The following VIPR2 variants were observed in gnomAD, a reference collection of about 807,000 sequenced individuals.
VIPR2 encodes vasoactive intestinal polypeptide receptor 2.
VIPR2 carries 48 observed loss-of-function variants against 58.0 expected under a neutral mutation model. The ratio of observed to expected loss-of-function variants is 0.83; its 90% CI spans 0.66 to 1.05. The LOEUF (loss-of-function observed/expected upper bound fraction) is 1.05. VIPR2 is among the 50% of genes least tolerant of loss of function. The pLI, the probability that VIPR2 is intolerant of heterozygous loss-of-function variation, is 0.00. For missense variants in VIPR2, 534 were observed against 558.0 expected (o/e 0.96, Z 0.43); for synonymous variants, 243 against 235.2 (o/e 1.03, Z -0.30).
intron 6 of VIPR2, among the ~76,000 whole-genome samples, chr7:159,040,019 C>T (rs1293330567): frequency 3.3e-5 from 5 of 152,290 alleles, no homozygotes; most frequent in South Asian, 2.1e-4. Flanking sequence ...GCAAAGAGGA[C>T]GCAGGAAGAG....
At chr7:159,124,359 A>G (rs1321338465) in intron 2 of VIPR2, among the ~76,000 whole-genome samples, 3 of 152,196 alleles carry the variant, frequency 2.0e-5, no homozygotes, top group Non-Finnish European at 2.9e-5. Flanking sequence ...GATCTCCCAC[A>G]TATGACTAGC....
At chr7:159,077,646 A>G (rs1203580960) in intron 4 of VIPR2, among the ~76,000 whole-genome samples, 2 of 150,174 alleles carry the variant, frequency 1.3e-5, no homozygotes, top group African/African-American at 4.9e-5. Flanking sequence ...GAGGTACTAC[A>G]GTGTGCCTGT....
At chr7:159,094,686 C>T (rs1048435995) in intron 4 of VIPR2, among the ~76,000 whole-genome samples, 5 of 152,196 alleles carry the variant, frequency 3.3e-5, no homozygotes, top group African/African-American at 9.6e-5. Flanking sequence ...TGCGTGTACA[C>T]GGCTGTGAGG....
intron 2 of VIPR2, among the ~76,000 whole-genome samples, chr7:159,112,387 G>A (rs975826122): frequency 6.6e-6 from 1 of 152,232 alleles, no homozygotes; most frequent in Non-Finnish European, 1.5e-5. Context: ...CCACAGTGCC[G>A]GTCGCACACG....
chr7:159,103,987 G>T, intron 3 of VIPR2, 133 bp from the exon 4 acceptor site: 2 of 747,600 alleles, frequency 2.7e-6, no homozygotes, highest in Non-Finnish European at 4.4e-6. Flanking sequence ...AGACAGGACT[G>T]CCACTCAAAA....
intron 9 of VIPR2, 103 bp downstream of exon 9, chr7:159,034,478 G>A: frequency 7.4e-7 from 1 of 1,345,502 alleles, no homozygotes; most frequent in Admixed American, 1.7e-5. Flanking sequence ...GCTGAGTGAT[G>A]CGTGGAATGG....
At chr7:159,141,614 C>T (rs1368287734) in intron 2 of VIPR2, among the ~76,000 whole-genome samples, 7 of 152,212 alleles carry the variant, frequency 4.6e-5, no homozygotes, top group African/African-American at 9.6e-5. Context: ...GAAATGTTAA[C>T]GATTCAGATT....
At chr7:159,051,398 G>A (rs1854997366) in intron 5 of VIPR2, among the ~76,000 whole-genome samples, 1 of 152,092 alleles carries the variant, frequency 6.6e-6, no homozygotes, top group Non-Finnish European at 1.5e-5. Context: ...GTGACAACTA[G>A]AAGAATAGTA....
rs957817475 is a variant in VIPR2, at chr7:159,144,723, G to A, written c.49C>T (p.Pro17Ser). ...PALLTCWLLAPVNSIHPECRF... is the reference protein window; with the variant it reads ...PALLTCWLLASVNSIHPECRF... ...GCGGGGGTCGCGGGCGCACTCACGG[G>A]GGCGAGCAGCCAGCAGGTCAGCAGC... The change falls in exon 1 of 13, where the codon CCC becomes TCC. Residue 17 changes from proline to serine, a missense_variant and splice_region_variant. By Grantham distance (74) the Pro-to-Ser change is moderately conservative. Transcript: ENST00000262178. 4 of 1,326,902 alleles carry A rather than the reference G, an allele frequency of 3.0e-6. No homozygotes were observed. The highest frequency in any genetic ancestry group is 6.2e-5 in the East Asian group (2 of 32,150). 82.2% of individuals were successfully genotyped at this position (1,326,902 alleles called of 1,614,324 possible).
At chr7:159,103,674 T>C (rs2129495922) in intron 4 of VIPR2, 83 bp downstream of exon 4, 1 of 1,069,014 alleles carries the variant, frequency 9.4e-7, no homozygotes, top group Non-Finnish European at 1.4e-6. Flanking sequence ...AAAATCTACA[T>C]AATTCTTGCA....
intron 4 of VIPR2, among the ~76,000 whole-genome samples, chr7:159,063,636 G>A (rs987124467): frequency 5.3e-5 from 8 of 151,178 alleles, no homozygotes; most frequent in Non-Finnish European, 1.0e-4. Context: ...CACCGAGGCA[G>A]AGGAGGCGCC....
At chr7:159,101,165 T>C (rs1163430114) in intron 4 of VIPR2, among the ~76,000 whole-genome samples, 2 of 126,334 alleles carry the variant, frequency 1.6e-5, no homozygotes, top group Admixed American at 8.5e-5. Flanking sequence ...GACGAGGCCG[T>C]TCCCCCGACT....
chr7:159,137,209 C>T (rs1386419623), intron 2 of VIPR2, among the ~76,000 whole-genome samples: 1 of 152,184 alleles, frequency 6.6e-6, no homozygotes, highest in Non-Finnish European at 1.5e-5. Flanking sequence ...CCGTTCTTCC[C>T]AGACAGGAGA....
At position 159,031,511 on chromosome 7, in the gene VIPR2, G is replaced by A. The variant is rs988610992; in HGVS notation, c.1143+317C>T. 1.0e-5 allele frequency: 10 copies of A among 985,180 alleles called. No homozygotes were observed. In the African/African-American group the frequency reaches 1.4e-4, roughly 14 times the overall value. 61.0% of individuals were successfully genotyped at this position (985,180 alleles called of 1,614,324 possible). A position where few individuals can be genotyped will look rare whatever the true frequency, so the allele number is the denominator to read the frequency against. On this transcript the variant is annotated intron_variant, in intron 12 of 12. Coordinates refer to ENST00000262178, the MANE Select transcript of VIPR2 (RefSeq NM_003382.5). This position sits in a 1 kb window ranked among gnomAD's most constrained non-coding sequence, Gnocchi z 4.0. ...GGACTCACAAGCTATGGTCAGGAGC[G>A]AGACGCCGACCATGGGGAAAAACAG...
rs150368019 is a variant in VIPR2 at position 159,131,118 on chromosome 7, G to A, written c.151+11328C>T. On this transcript the variant is annotated intron_variant, in intron 2 of 12. Transcript: ENST00000262178. ...TAGGGGAGACTCTAGCCAGTGGAAC[G>A]AGGAGGGGTCATCAAATCTTAGAAA... 1.2e-4 allele frequency among the ~76,000 whole-genome samples: 19 copies of A among 152,298 alleles called. No individual in the cohort carries two copies. The East Asian group carries it at 2.7e-3, about 22-fold the overall frequency.
chr7:159,140,764 C>G (rs748243543), intron 2 of VIPR2, among the ~76,000 whole-genome samples: 1 of 152,130 alleles, frequency 6.6e-6, no homozygotes, highest in East Asian at 1.9e-4. Context: ...CCCTAGCGCC[C>G]GATATGACTC....
chr7:159,118,071 G>A (rs1037435305), intron 2 of VIPR2, among the ~76,000 whole-genome samples: 2 of 152,180 alleles, frequency 1.3e-5, no homozygotes, highest in South Asian at 2.1e-4. Flanking sequence ...CAGAGAGGCC[G>A]GGGGCGTCCC....
chr7:159,105,793 C>A (rs1281046283), intron 3 of VIPR2, among the ~76,000 whole-genome samples: 1 of 152,200 alleles, frequency 6.6e-6, no homozygotes, highest in African/African-American at 2.4e-5. Flanking sequence ...CCCCATTGTG[C>A]AGACAAGGAG....
At chr7:159,055,073 T>C (rs1855229746) in intron 5 of VIPR2, among the ~76,000 whole-genome samples, 1 of 152,212 alleles carries the variant, frequency 6.6e-6, no homozygotes, top group Non-Finnish European at 1.5e-5. Context: ...AACCCATATG[T>C]CCATGAACAG....
Sources: gnomAD v4.1 joint callset for allele counts (sites outside exome capture counted in the v4.1 genomes callset) on GRCh38, gnomAD v4.1.1 for gene constraint, Gnocchi (gnomAD v3.1) non-coding constraint, MANE v1.5 for transcripts, NCBI Gene and HGNC (gene_info 2026-07-23, HGNC 2026-07-21) for gene names.